Variants in RAB27B observed in about 807,000 individuals in gnomAD.
RAB27B encodes ras-related protein Rab-27B.
RAB27B carries 15 observed loss-of-function variants against 24.6 expected under a neutral mutation model. The observed-to-expected ratio is 0.61, with a 90% CI of 0.41 to 0.94. The LOEUF (loss-of-function observed/expected upper bound fraction) is 0.94. Ranked by LOEUF, RAB27B falls within the 40% of genes least tolerant of loss-of-function variation. RAB27B has a pLI of 0.00. For missense variants in RAB27B, 261 were observed against 266.8 expected (o/e 0.98, Z 0.15); for synonymous variants, 105 against 92.5 (o/e 1.14, Z -0.78).
chr18:54,831,418 G>A (rs1280857319), intron 1 of RAB27B, among the ~76,000 whole-genome samples: 1 of 152,144 alleles, frequency 6.6e-6, no homozygotes, highest in Admixed American at 6.5e-5. Context: ...GGACTTTGAA[G>A]GTCCTAATGA....
chr18:54,797,632 G>A (rs1568069511), intron 2 of RAB27B, among the ~76,000 whole-genome samples: 1 of 152,168 alleles, frequency 6.6e-6, no homozygotes, highest in African/African-American at 2.4e-5. Context: ...ACATCTATCT[G>A]TCTTTATTTT....
chr18:54,792,346 C>T (rs916753570), intron 2 of RAB27B, among the ~76,000 whole-genome samples: 2 of 152,144 alleles, frequency 1.3e-5, no homozygotes, highest in Admixed American at 6.5e-5. Flanking sequence ...CCATGAGCCA[C>T]GGTTGCACCA....
chr18:54,886,121 C>G (rs61569704), intron 4 of RAB27B, among the ~76,000 whole-genome samples: 7 of 152,066 alleles, frequency 4.6e-5, no homozygotes, highest in African/African-American at 1.7e-4. Context: ...ACTTCTACAC[C>G]CACTTCAAGT....
At chr18:54,784,821 G>T (rs1384515765) in intron 2 of RAB27B, among the ~76,000 whole-genome samples, 1 of 152,156 alleles carries the variant, frequency 6.6e-6, no homozygotes, top group Non-Finnish European at 1.5e-5. Context: ...TTTCCTTTGG[G>T]TGTATACCCA....
At chr18:54,732,657 T>A (rs1568045544) in intron 2 of RAB27B, among the ~76,000 whole-genome samples, 2 of 152,206 alleles carry the variant, frequency 1.3e-5, no homozygotes, top group Non-Finnish European at 2.9e-5. Flanking sequence ...AGAATATCAG[T>A]AAGATATAAT....
intron 1 of RAB27B, among the ~76,000 whole-genome samples, chr18:54,875,953 T>A (rs1381258834): frequency 6.6e-6 from 1 of 152,192 alleles, no homozygotes; most frequent in African/African-American, 2.4e-5. Context: ...TGATTTTAGA[T>A]ATGTCCTCTA....
At chr18:54,822,294 T>C (rs766445781) in intron 2 of RAB27B, among the ~76,000 whole-genome samples, 2 of 152,200 alleles carry the variant, frequency 1.3e-5, no homozygotes, top group Non-Finnish European at 2.9e-5. Context: ...AAATACCTTA[T>C]AATTGGTTAA....
intron 1 of RAB27B, among the ~76,000 whole-genome samples, chr18:54,842,209 G>A (rs1315372001): frequency 6.6e-6 from 1 of 152,244 alleles, no homozygotes; most frequent in Non-Finnish European, 1.5e-5. Flanking sequence ...GAAAACGAAT[G>A]TGGAATTGGT....
chr18:54,890,927 C>A lies in RAB27B; in HGVS notation c.*1514C>A, dbSNP rs1056086425. ...TAGTTTCTGATAAACACAAGCCATT[C>A]CTATCAAAATATTATTTATTTCAGT... is the stretch of plus-strand genomic sequence containing the variant. On this transcript the variant is annotated 3_prime_UTR_variant, in exon 6 of 6. Coordinates refer to ENST00000262094, the MANE Select transcript of RAB27B (RefSeq NM_004163.4). 13 of 151,974 alleles carry A rather than the reference C, an allele frequency of 8.6e-5. No homozygotes were observed. The highest frequency in any genetic ancestry group is 8.5e-4 in the Admixed American group (13 of 15,218). 9.4% of individuals were successfully genotyped at this position (151,974 alleles called of 1,614,324 possible).
chr18:54,770,043 A>G (rs1346332977), intron 2 of RAB27B, among the ~76,000 whole-genome samples: 4 of 151,874 alleles, frequency 2.6e-5, no homozygotes, highest in Admixed American at 2.0e-4. Flanking sequence ...AATTTTTTGT[A>G]TTTTTAGTAG....
At chr18:54,855,610 C>T (rs4801102) in intron 1 of RAB27B, among the ~76,000 whole-genome samples, 47,732 of 151,954 alleles carry the variant, frequency 0.31, 9,043 homozygotes, top group Non-Finnish European at 0.42. Context: ...ATTAAAATCC[C>T]CAACACATAT....
intron 2 of RAB27B, among the ~76,000 whole-genome samples, chr18:54,777,143 G>A (rs1279961566): frequency 6.6e-6 from 1 of 152,196 alleles, no homozygotes; most frequent in Non-Finnish European, 1.5e-5. Flanking sequence ...TACATTCTGG[G>A]AAATGTGAGA....
At chr18:54,718,636 A>G (rs1283887950) in intron 2 of RAB27B, among the ~76,000 whole-genome samples, 1 of 152,200 alleles carries the variant, frequency 6.6e-6, no homozygotes, top group African/African-American at 2.4e-5. Context: ...CATATACCAT[A>G]TACTTTTTCC....
At chr18:54,875,133 G>C (rs1379955611) in intron 1 of RAB27B, among the ~76,000 whole-genome samples, 1 of 151,988 alleles carries the variant, frequency 6.6e-6, no homozygotes, top group Non-Finnish European at 1.5e-5. Flanking sequence ...AACCAGCCTG[G>C]GCAACATAGC....
intron 1 of RAB27B, among the ~76,000 whole-genome samples, chr18:54,870,738 C>T (rs1445373927): frequency 3.3e-5 from 5 of 152,174 alleles, no homozygotes; most frequent in Non-Finnish European, 7.4e-5. Context: ...AACTTAACAA[C>T]CTTCTGTATA....
chr18:54,769,647 A>T (rs560946972), intron 2 of RAB27B, among the ~76,000 whole-genome samples: 1 of 152,292 alleles, frequency 6.6e-6, no homozygotes, highest in African/African-American at 2.4e-5. Context: ...AAGGACTTCC[A>T]TGTGATTGCT....
At chr18:54,734,568 T>C (rs573958172) in intron 2 of RAB27B, among the ~76,000 whole-genome samples, 22 of 151,972 alleles carry the variant, frequency 1.4e-4, no homozygotes, top group African/African-American at 5.1e-4. Context: ...ATCAATGTTT[T>C]CTCTGAAGGT....
intron 1 of RAB27B, among the ~76,000 whole-genome samples, chr18:54,831,535 C>T (rs944699057): frequency 1.2e-4 from 18 of 152,186 alleles, no homozygotes; most frequent in Admixed American, 3.9e-4. Flanking sequence ...ATACTATGAA[C>T]TTTAATATTC....
At chr18:54,749,332 G>A (rs1426799146) in intron 2 of RAB27B, among the ~76,000 whole-genome samples, 1 of 152,136 alleles carries the variant, frequency 6.6e-6, no homozygotes, top group African/African-American at 2.4e-5. Context: ...CATTTTCAAA[G>A]CACTCGCATG....
Sources: allele counts gnomAD v4.1 joint callset (sites outside exome capture counted in the v4.1 genomes callset), GRCh38; gene constraint gnomAD v4.1.1; transcripts MANE v1.5; gene names NCBI Gene and HGNC (gene_info 2026-07-23, HGNC 2026-07-21).